Variants in ARB2A observed in about 807,000 individuals in gnomAD.
The protein encoded by ARB2A is ARB2 cotranscriptional regulator A.
the ARB2A span, among the ~76,000 whole-genome samples, chr5:93,991,881 T>C: frequency 6.6e-6 from 1 of 151,864 alleles, no homozygotes. Flanking sequence ...ATTTTCCAGA[T>C]TTGATAAAAA....
the ARB2A span, chr5:94,053,024 ATCTG>A: frequency 2.0e-6 from 1 of 504,512 alleles, no homozygotes; most frequent in South Asian, 6.6e-5. Context: ...AGCAAATAAT[ATCTG>A]TCTTATTATT....
chr5:94,025,240 G>A, the ARB2A span, among the ~76,000 whole-genome samples: 1 of 152,196 alleles, frequency 6.6e-6, no homozygotes, highest in African/African-American at 2.4e-5. Flanking sequence ...ATTTCTCACA[G>A]TTCTGGATGC....
At chr5:93,659,854 G>A in the ARB2A span, among the ~76,000 whole-genome samples, 15 of 152,058 alleles carry the variant, frequency 9.9e-5, no homozygotes, top group Middle Eastern at 3.4e-3. Context: ...TCTTGCTTCC[G>A]CAGTACTAAA....
At chr5:93,635,949 A>G in the ARB2A span, among the ~76,000 whole-genome samples, 2 of 152,368 alleles carry the variant, frequency 1.3e-5, no homozygotes, top group African/African-American at 4.8e-5. Context: ...CATAAAATTT[A>G]TGCTTACAAG....
At chr5:93,820,678 ATTATT>A in the ARB2A span, among the ~76,000 whole-genome samples, 1 of 152,200 alleles carries the variant, frequency 6.6e-6, no homozygotes, top group Non-Finnish European at 1.5e-5. Context: ...ACATATTGGC[ATTATT>A]TTAAGTATAC....
chr5:93,882,991 A>G, the ARB2A span, among the ~76,000 whole-genome samples: 1 of 151,692 alleles, frequency 6.6e-6, no homozygotes, highest in Admixed American at 6.6e-5. Context: ...AATTGACAGC[A>G]GTAATAGTAA....
At chr5:93,888,074 T>G in the ARB2A span, among the ~76,000 whole-genome samples, 5 of 152,024 alleles carry the variant, frequency 3.3e-5, no homozygotes, top group East Asian at 9.7e-4. Context: ...ACATGTGCTT[T>G]GCACTTACCC....
At chr5:93,963,591 G>A in the ARB2A span, among the ~76,000 whole-genome samples, 3 of 151,778 alleles carry the variant, frequency 2.0e-5, no homozygotes, top group East Asian at 1.9e-4. Context: ...TCAAACCCTC[G>A]AATTTATAAT....
chr5:93,723,622 T>C, the ARB2A span, among the ~76,000 whole-genome samples: 1 of 152,116 alleles, frequency 6.6e-6, no homozygotes, highest in Admixed American at 6.6e-5. Flanking sequence ...GTTTTATTTT[T>C]TAATATTTAT....
At chr5:93,873,387 AGGGG>A in the ARB2A span, among the ~76,000 whole-genome samples, 9 of 4,906 alleles carry the variant, frequency 1.8e-3, 1 homozygote, top group South Asian at 0.015. Context: ...AAGGAAAGGA[AGGGG>A]AAGGGGAAGG....
At chr5:93,924,053 C>G in the ARB2A span, among the ~76,000 whole-genome samples, 3 of 151,952 alleles carry the variant, frequency 2.0e-5, no homozygotes, top group Non-Finnish European at 2.9e-5. Context: ...TATAATTAAG[C>G]CTTCAAATTA....
At chr5:93,952,846 G>A in the ARB2A span, among the ~76,000 whole-genome samples, 1 of 152,014 alleles carries the variant, frequency 6.6e-6, no homozygotes, top group Non-Finnish European at 1.5e-5. Context: ...TTCTAGGCAT[G>A]TTTCATTCTT....
At chr5:94,067,375 CAA>C in the ARB2A span, among the ~76,000 whole-genome samples, 2 of 152,020 alleles carry the variant, frequency 1.3e-5, no homozygotes, top group Non-Finnish European at 2.9e-5. Context: ...AAAAAGCATC[CAA>C]ATTGGAAAAG....
At chr5:93,769,092 A>G in the ARB2A span, among the ~76,000 whole-genome samples, 1 of 152,216 alleles carries the variant, frequency 6.6e-6, no homozygotes, top group Non-Finnish European at 1.5e-5. Context: ...AAATGAAATT[A>G]TTATGAACAA....
chr5:93,741,173 T>G, the ARB2A span: 2 of 1,613,836 alleles, frequency 1.2e-6, no homozygotes, highest in South Asian at 2.2e-5. Context: ...CTCAACTCCT[T>G]GGCCAATTGC....
At chr5:93,631,681 G>A in the ARB2A span, among the ~76,000 whole-genome samples, 2 of 152,044 alleles carry the variant, frequency 1.3e-5, no homozygotes, top group Admixed American at 1.3e-4. Flanking sequence ...GTTGAAAAGG[G>A]CTGGTAGAAC....
chr5:93,866,976 C>A, the ARB2A span, among the ~76,000 whole-genome samples: 1 of 151,626 alleles, frequency 6.6e-6, no homozygotes. Context: ...TTGTACATAC[C>A]CCTTTAATGT....
At chr5:93,711,205 GT>G in the ARB2A span, among the ~76,000 whole-genome samples, 180 of 127,572 alleles carry the variant, frequency 1.4e-3, no homozygotes, top group Middle Eastern at 4.0e-3. Context: ...TTTTTTTTTT[GT>G]TTTTTTTTTT....
At chr5:94,100,651 A>G in the ARB2A span, among the ~76,000 whole-genome samples, 1 of 152,076 alleles carries the variant, frequency 6.6e-6, no homozygotes, top group Non-Finnish European at 1.5e-5. Flanking sequence ...ACGACCATCT[A>G]ATCTTTGACA....
Sources: allele counts gnomAD v4.1 joint callset (sites outside exome capture counted in the v4.1 genomes callset), GRCh38; gene constraint gnomAD v4.1.1; transcripts MANE v1.5; gene names NCBI Gene and HGNC (gene_info 2026-07-23, HGNC 2026-07-21).